The following FOXP2 variants were observed in gnomAD, a reference collection of about 807,000 sequenced individuals.
The protein encoded by FOXP2 is forkhead box P2.
A neutral mutation model predicts 115.8 loss-of-function variants in FOXP2; 12 were observed. That is an observed-to-expected ratio of 0.10 (90% CI 0.07 to 0.17). The LOEUF (loss-of-function observed/expected upper bound fraction) is 0.17. Among genes scored for constraint, FOXP2 ranks in the 10% least tolerant of loss-of-function variants. The pLI is 1.00. For missense variants in FOXP2, 629 were observed against 843.5 expected (o/e 0.75, Z 3.15); for synonymous variants, 328 against 297.7 (o/e 1.10, Z -1.05).
intron 2 of FOXP2, among the ~76,000 whole-genome samples, chr7:114,385,900 A>G (rs983123241): frequency 1.7e-4 from 26 of 152,270 alleles, no homozygotes; most frequent in Non-Finnish European, 3.2e-4. Context: ...TCTTGGCCTC[A>G]CGGATTCCAA....
At chr7:114,497,477 A>G (rs377297182) in intron 2 of FOXP2, among the ~76,000 whole-genome samples, 16 of 151,924 alleles carry the variant, frequency 1.1e-4, no homozygotes, top group African/African-American at 3.9e-4. Context: ...GCAAAAACCC[A>G]TTTCTACTAA....
chr7:114,274,726 C>G (rs1213513928), intron 1 of FOXP2, among the ~76,000 whole-genome samples: 1 of 144,368 alleles, frequency 6.9e-6, no homozygotes, highest in Non-Finnish European at 1.5e-5. Flanking sequence ...AGTGATCCTT[C>G]CATTTCAACC....
chr7:114,523,633 C>G (rs796188491), intron 2 of FOXP2, among the ~76,000 whole-genome samples: 37 of 152,246 alleles, frequency 2.4e-4, no homozygotes, highest in African/African-American at 8.9e-4. Context: ...TTGCAGAAAG[C>G]TAGAATGTGA....
Position 114,425,386 on chromosome 7 carries a change from T to C in FOXP2, c.-10-1116T>C, listed in dbSNP as rs758640387. 5.9e-5 allele frequency among the ~76,000 whole-genome samples: 9 copies of C among 151,654 alleles called. No individual in the cohort carries two copies. In the South Asian group the frequency reaches 6.2e-4, roughly 10 times the overall value. On this transcript the variant is annotated intron_variant, in intron 1 of 16. Transcript: ENST00000350908. ...AAACAGAGAAGTGCATCCATTAGGT[T>C]ATGGCACAGGATTCAGAGGTCTTTG...
At chr7:114,199,736 A>G (rs1794012493) in intron 1 of FOXP2, among the ~76,000 whole-genome samples, 2 of 152,254 alleles carry the variant, frequency 1.3e-5, no homozygotes, top group African/African-American at 4.8e-5. Context: ...GGATGACTAT[A>G]AAATCTTGTT....
At chr7:114,654,083 GAC>G in intron 10 of FOXP2, 74 bp downstream of exon 10, 2 of 1,609,294 alleles carry the variant, frequency 1.2e-6, no homozygotes, top group Non-Finnish European at 1.7e-6. Flanking sequence ...ACAATTTAGT[GAC>G]AGTTAGAAAA....
chr7:114,453,027 G>C (rs1004132816), intron 2 of FOXP2, among the ~76,000 whole-genome samples: 1 of 151,978 alleles, frequency 6.6e-6, no homozygotes, highest in Non-Finnish European at 1.5e-5. Flanking sequence ...TTGAGCTTCT[G>C]TTATCTTCAA....
At chr7:114,126,872 T>C (rs967253333) in intron 1 of FOXP2, among the ~76,000 whole-genome samples, 1 of 152,204 alleles carries the variant, frequency 6.6e-6, no homozygotes. Flanking sequence ...TCACTTTTTC[T>C]TTTCTTTTGG....
At chr7:114,247,086 GT>G (rs1394243849) in intron 1 of FOXP2, among the ~76,000 whole-genome samples, 1 of 152,016 alleles carries the variant, frequency 6.6e-6, no homozygotes, top group Non-Finnish European at 1.5e-5. Context: ...TTATCACTGT[GT>G]TTTACAAAAT....
chr7:114,505,539 T>C (rs1197537118), intron 2 of FOXP2, among the ~76,000 whole-genome samples: 2 of 150,766 alleles, frequency 1.3e-5, no homozygotes, highest in Non-Finnish European at 3.0e-5. Flanking sequence ...AGAGATCAAA[T>C]AATAGGTGAA....
upstream of FOXP2, among the ~76,000 whole-genome samples, chr7:114,409,371 T>C (rs1418273391): frequency 1.3e-5 from 2 of 152,274 alleles, no homozygotes; most frequent in Non-Finnish European, 2.9e-5. Flanking sequence ...GCTAAGAGCA[T>C]ATAACAAGAA....
intron 1 of FOXP2, among the ~76,000 whole-genome samples, chr7:114,112,197 G>A (rs116536431): frequency 1.6e-3 from 250 of 152,188 alleles, no homozygotes; most frequent in African/African-American, 5.7e-3. Context: ...ACAAACCTGA[G>A]GAGTGCTCAC....
chr7:114,146,323 A>G (rs1454303639), intron 1 of FOXP2, among the ~76,000 whole-genome samples: 1 of 152,200 alleles, frequency 6.6e-6, no homozygotes, highest in African/African-American at 2.4e-5. Flanking sequence ...TGTTGAATTG[A>G]CCTGAATTGA....
intron 3 of FOXP2, among the ~76,000 whole-genome samples, chr7:114,594,892 A>G (rs1195113903): frequency 6.6e-6 from 1 of 151,996 alleles, no homozygotes; most frequent in African/African-American, 2.4e-5. Context: ...AGATGAAGGT[A>G]TGTTCTCAGG....
chr7:114,664,359 C>T lies in FOXP2; in HGVS notation c.1926C>T (p.His642=), dbSNP rs770031460. Residue 642 remains histidine (H), a synonymous_variant, in exon 16 of 17, where the codon CAC becomes CAT. Coordinates refer to ENST00000350908, the MANE Select transcript of FOXP2 (RefSeq NM_014491.4). Reference sequence around the variant, plus strand: ...CCAGTGGCCTACTGCAGGCCGTCCACGAAGACCTCAATGGTTCTCTGGATC... The same window carrying T: ...CCAGTGGCCTACTGCAGGCCGTCCATGAAGACCTCAATGGTTCTCTGGATC... ...NASSGLLQAV[H]EDLNGSLDHI... The T allele has an allele frequency of 3.7e-6, 6 of 1,613,494 alleles. No individual in the cohort carries two copies. Among genetic ancestry groups the T allele is most frequent in the African/African-American group, 2.7e-5 (2 of 74,874 alleles).
At chr7:114,278,058 C>T (rs549613205) in intron 1 of FOXP2, among the ~76,000 whole-genome samples, 12 of 146,510 alleles carry the variant, frequency 8.2e-5, no homozygotes, top group Non-Finnish European at 1.5e-4. Flanking sequence ...AGAATTCATC[C>T]GGGATATAGA....
At chr7:114,417,792 AC>A (rs562246987) in intron 1 of FOXP2, among the ~76,000 whole-genome samples, 61 of 151,796 alleles carry the variant, frequency 4.0e-4, no homozygotes, top group Non-Finnish European at 8.4e-4. Flanking sequence ...GAACTATGAA[AC>A]CTTTTTTGGT....
chr7:114,110,650 C>T (rs1397640711), intron 1 of FOXP2, among the ~76,000 whole-genome samples: 1 of 152,042 alleles, frequency 6.6e-6, no homozygotes, highest in African/African-American at 2.4e-5. Context: ...AGATTTTGGA[C>T]ACTTTTGGAC....
chr7:114,097,635 CTT>C lies in FOXP2; in HGVS notation c.-247+9798_-247+9799del, dbSNP rs566212120. Among the ~76,000 whole-genome samples, 31 of 152,256 alleles carry C rather than the reference CTT, an allele frequency of 2.0e-4. No individual in the cohort carries two copies. In the East Asian group the frequency reaches 5.8e-3, roughly 28 times the overall value. On this transcript the variant is annotated intron_variant, in intron 1 of 19. Transcript: ENST00000635638. ...GGTTAATACTTTCTAAGAATTTAAT[CTT>C]GAGGTCTTCACCATAGTTCTCCACC...
Sources: allele counts gnomAD v4.1 joint callset (sites outside exome capture counted in the v4.1 genomes callset), GRCh38; gene constraint gnomAD v4.1.1; transcripts MANE v1.5; gene names NCBI Gene and HGNC (gene_info 2026-07-23, HGNC 2026-07-21).